CPHXL: variants seen among roughly 807,000 people sequenced by gnomAD.
CPHXL encodes cytoplasmic polyadenylated homeobox like, also known as cytoplasmic polyadenylated homeobox-like protein.
At chr16:75,721,214 C>A (rs1959472327) in intron 1 of CPHXL, among the ~76,000 whole-genome samples, 1 of 152,166 alleles carries the variant, frequency 6.6e-6, no homozygotes, top group South Asian at 2.1e-4. Flanking sequence ...AAATAACCAG[C>A]TAACATCATA....
chr16:75,714,748 G>T lies in CPHXL; in HGVS notation c.694C>A (p.His232Asn). 1 of 398,640 alleles carries T rather than the reference G, an allele frequency of 2.5e-6. No homozygotes were observed. The highest frequency in any genetic ancestry group is 4.4e-6 in the Non-Finnish European group (1 of 226,092). The allele number at this position is 398,640 out of a possible 1,614,324, so 24.7% of individuals were successfully genotyped here. The change falls in exon 3 of 3, where the codon CAT (histidine) becomes AAT (asparagine). Residue 232 changes from histidine (H) to asparagine (N), a missense_variant. Coordinates refer to ENST00000640559, the MANE Select transcript of CPHXL (RefSeq NM_001355613.1). ...MGYGGDTGSG[H>N]SGSGHSTAYH... ...GCAGTAGAATGCCCACTTCCAGAAT[G>T]CCCACTTCCTGTGTCACCTCCATAC...
intron 2 of CPHXL, among the ~76,000 whole-genome samples, chr16:75,716,872 C>G (rs1597219460): frequency 1.3e-5 from 2 of 152,194 alleles, no homozygotes; most frequent in Admixed American, 6.5e-5. Context: ...TAAGTGCTCT[C>G]CCAACCCTTC....
At chr16:75,723,548 T>C (rs988852290) in intron 1 of CPHXL, among the ~76,000 whole-genome samples, 133 of 152,282 alleles carry the variant, frequency 8.7e-4, no homozygotes, top group African/African-American at 3.0e-3. Flanking sequence ...TTACAAGGGA[T>C]GTGAAGGACC....
intron 1 of CPHXL, among the ~76,000 whole-genome samples, chr16:75,719,647 T>A (rs1309061621): frequency 6.6e-6 from 1 of 152,134 alleles, no homozygotes; most frequent in East Asian, 1.9e-4. Flanking sequence ...CAAGGAGGCC[T>A]GCCTGCCTCT....
chr16:75,726,469 GGAGACCAGCAAGCAACT>G lies in CPHXL; in HGVS notation c.-44_-28del. The G allele has an allele frequency of 2.5e-6, 1 of 398,568 alleles. No individual in the cohort carries two copies. Among genetic ancestry groups the G allele is most frequent in the African/African-American group, 2.1e-5 (1 of 48,736 alleles). The allele number at this position is 398,568 out of a possible 1,614,324, so 24.7% of individuals were successfully genotyped here. On this transcript the variant is annotated 5_prime_UTR_variant, in exon 1 of 3. Transcript: ENST00000640559. ...TTGGGGTAGAAGACCTGGACTTCAC[GGAGACCAGCAAGCAACT>G]GAGATCAGCAAGCAACTGAGCAGCT...
chr16:75,717,347 A>G (rs1012862864), intron 2 of CPHXL, among the ~76,000 whole-genome samples: 4 of 152,070 alleles, frequency 2.6e-5, no homozygotes, highest in Non-Finnish European at 5.9e-5. Context: ...AATTCTTTAC[A>G]TTTTTCATAT....
chr16:75,716,647 G>C (rs1321904597), intron 2 of CPHXL, among the ~76,000 whole-genome samples: 6 of 152,056 alleles, frequency 3.9e-5, no homozygotes, highest in Non-Finnish European at 8.8e-5. Flanking sequence ...TTTTCTGGAG[G>C]CTTTATTGTA....
At chr16:75,726,391 T>C (rs1959560126) in intron 1 of CPHXL, 27 bp downstream of exon 1, 1 of 398,460 alleles carries the variant, frequency 2.5e-6, no homozygotes, top group African/African-American at 2.1e-5. Flanking sequence ...AGTAGCATTG[T>C]AAGAGAAAAA....
At chr16:75,723,919 AAC>A (rs1959515878) in intron 1 of CPHXL, among the ~76,000 whole-genome samples, 7 of 152,250 alleles carry the variant, frequency 4.6e-5, no homozygotes, top group African/African-American at 1.7e-4. Flanking sequence ...CTGGTACCAA[AAC>A]AGAGGTATAG....
chr16:75,725,461 T>C (rs1959542473), intron 1 of CPHXL, among the ~76,000 whole-genome samples: 1 of 151,282 alleles, frequency 6.6e-6, no homozygotes, highest in South Asian at 2.1e-4. Flanking sequence ...CCTCTTTTTT[T>C]TTTTTTTTTG....
intron 2 of CPHXL, among the ~76,000 whole-genome samples, 166 bp downstream of exon 2, chr16:75,718,099 T>C (rs1959419527): frequency 6.6e-6 from 1 of 151,850 alleles, no homozygotes; most frequent in Non-Finnish European, 1.5e-5. Flanking sequence ...GTGCCTGTAG[T>C]CCCAGCTACT....
chr16:75,725,818 A>G (rs1959551657), intron 1 of CPHXL, among the ~76,000 whole-genome samples: 1 of 138,182 alleles, frequency 7.2e-6, no homozygotes. Flanking sequence ...GCTGGTTTCA[A>G]ACTCCTGGGT....
At chr16:75,721,818 C>G (rs1438446680) in intron 1 of CPHXL, among the ~76,000 whole-genome samples, 1 of 152,170 alleles carries the variant, frequency 6.6e-6, no homozygotes, top group Non-Finnish European at 1.5e-5. Context: ...CAGCACCACA[C>G]CACACCTATT....
At chr16:75,724,533 A>C (rs1334785241) in intron 1 of CPHXL, among the ~76,000 whole-genome samples, 1 of 152,278 alleles carries the variant, frequency 6.6e-6, no homozygotes, top group African/African-American at 2.4e-5. Flanking sequence ...AATGCTCATC[A>C]TCACTGGCCA....
chr16:75,720,947 T>C (rs929185270), intron 1 of CPHXL, among the ~76,000 whole-genome samples: 1 of 152,160 alleles, frequency 6.6e-6, no homozygotes, highest in Non-Finnish European at 1.5e-5. Context: ...GGGGCCAATA[T>C]TCAATATTCT....
chr16:75,715,081 C>A lies in CPHXL; in HGVS notation c.361G>T (p.Ala121Ser). The change falls in exon 3 of 3, where the codon GCC (alanine) becomes TCC (serine). Residue 121 changes from alanine to serine, a missense_variant. Coordinates refer to ENST00000640559, the MANE Select transcript of CPHXL (RefSeq NM_001355613.1). ...GCACCAGAGAGGCTCTGCTTGGTGG[C>A]ATAGTTGTGAGCTGCAGCCTGGGTC... ...QETQAAAHNY[A>S]TKQSLSGAQR... 2.5e-6 allele frequency: 1 copy of A among 398,854 alleles called. No individual in the cohort carries two copies. Among genetic ancestry groups the A allele is most frequent in the Non-Finnish European group, 4.4e-6 (1 of 226,134 alleles). 24.7% of individuals were successfully genotyped at this position (398,854 alleles called of 1,614,324 possible).
At chr16:75,720,485 C>G (rs999976651) in intron 1 of CPHXL, among the ~76,000 whole-genome samples, 1 of 152,086 alleles carries the variant, frequency 6.6e-6, no homozygotes, top group Non-Finnish European at 1.5e-5. Context: ...ATTCGATCAA[C>G]TGGAAGAAAG....
chr16:75,715,311 T>C (rs1228680925), intron 2 of CPHXL, 89 bp from the exon 3 acceptor site: 1 of 397,710 alleles, frequency 2.5e-6, no homozygotes, highest in African/African-American at 2.1e-5. Flanking sequence ...GATTTTTCTA[T>C]TTAAGCCTCT....
chr16:75,720,632 G>A (rs1369178008), intron 1 of CPHXL, among the ~76,000 whole-genome samples: 2 of 152,176 alleles, frequency 1.3e-5, no homozygotes, highest in Non-Finnish European at 2.9e-5. Flanking sequence ...TCTGATTGGT[G>A]GACCTGAAAG....
Sources: allele counts gnomAD v4.1 joint callset (sites outside exome capture counted in the v4.1 genomes callset), GRCh38; gene constraint gnomAD v4.1.1; transcripts MANE v1.5; gene names NCBI Gene and HGNC (gene_info 2026-07-23, HGNC 2026-07-21).